The following RNF217 variants were observed in gnomAD, a reference collection of about 807,000 sequenced individuals.
RNF217 encodes the protein ring finger protein 217.
In RNF217, 31 loss-of-function variants were observed where a neutral mutation model predicts 57.8. That is an observed-to-expected ratio of 0.54 (90% CI 0.40 to 0.72). The LOEUF is 0.72. RNF217 is among the 30% of genes least tolerant of loss of function. The pLI is 0.00. For missense variants in RNF217, 696 were observed against 708.3 expected, an observed-to-expected ratio of 0.98 and a Z score of 0.20; for synonymous variants, 313 against 294.0, an observed-to-expected ratio of 1.06 and a Z score of -0.66.
intron 2 of RNF217, among the ~76,000 whole-genome samples, chr6:125,048,949 T>C (rs1787202025): frequency 6.6e-6 from 1 of 152,054 alleles, no homozygotes; most frequent in African/African-American, 2.4e-5. Flanking sequence ...GAGATTTACA[T>C]TCAGACAACC....
chr6:124,984,669 A>T (rs1784310655), intron 1 of RNF217, among the ~76,000 whole-genome samples: 2 of 152,210 alleles, frequency 1.3e-5, no homozygotes, highest in South Asian at 2.1e-4. Flanking sequence ...TCATATGGAG[A>T]AATGAAGTCC....
chr6:124,963,480 G>A, intron 1 of RNF217, 54 bp downstream of exon 1: 1 of 1,429,350 alleles, frequency 7.0e-7, no homozygotes, highest in Non-Finnish European at 9.1e-7. Flanking sequence ...CTGGCGAGGA[G>A]GTCCTGCTCT....
intron 1 of RNF217, among the ~76,000 whole-genome samples, chr6:125,020,364 A>T (rs1314868078): frequency 1.3e-5 from 2 of 152,214 alleles, no homozygotes; most frequent in Non-Finnish European, 2.9e-5. Flanking sequence ...AATATCTGTT[A>T]TTAAAAGGGT....
intron 3 of RNF217, among the ~76,000 whole-genome samples, chr6:125,058,788 C>T (rs503819): frequency 0.4 from 60,470 of 151,898 alleles, 12,690 homozygotes; most frequent in African/African-American, 0.5. Flanking sequence ...AAACTTTGGA[C>T]TTGATGTCTA....
At position 125,034,365 on chromosome 6, in the gene RNF217, T is replaced by A. The variant is rs139701267; in HGVS notation, c.883-10846T>A. Among the ~76,000 whole-genome samples the A allele has an allele frequency of 1.2e-3, 176 of 152,336 alleles. 2 individuals carry two copies. The East Asian group carries it at 0.02, about 17-fold the overall frequency. ...AAGTCTTTCATTCATCTTGAATTAA[T>A]TTTTGTATAAGGTGTAAGGAAGGGA... On this transcript the variant is annotated intron_variant, in intron 1 of 5. Coordinates refer to ENST00000521654, the MANE Select transcript of RNF217 (RefSeq NM_001286398.3).
chr6:124,996,310 AT>A (rs1562459161), intron 1 of RNF217, among the ~76,000 whole-genome samples: 1 of 151,856 alleles, frequency 6.6e-6, no homozygotes, highest in Admixed American at 6.6e-5. Flanking sequence ...AATTTTGAAG[AT>A]TTTTTTAATT....
intron 2 of RNF217, among the ~76,000 whole-genome samples, chr6:125,052,164 G>A (rs950359995): frequency 2.0e-5 from 3 of 151,996 alleles, no homozygotes; most frequent in Admixed American, 6.6e-5. Context: ...TGAGGTGAAT[G>A]CATTGTGCAA....
intron 1 of RNF217, among the ~76,000 whole-genome samples, chr6:124,996,242 T>C (rs1317819959): frequency 6.6e-6 from 1 of 152,176 alleles, no homozygotes; most frequent in Non-Finnish European, 1.5e-5. Context: ...CATGATTTTG[T>C]GTGTTCATTA....
At chr6:125,055,761 T>C (rs1159510279) in intron 2 of RNF217, among the ~76,000 whole-genome samples, 1 of 152,048 alleles carries the variant, frequency 6.6e-6, no homozygotes, top group Non-Finnish European at 1.5e-5. Flanking sequence ...TTTCCTTCTT[T>C]CCTCATTTCA....
Position 125,062,765 on chromosome 6 carries a change from C to T in RNF217, c.1281+4659C>T, listed in dbSNP as rs143430041. Among the ~76,000 whole-genome samples the T allele has an allele frequency of 9.1e-3, 1,378 of 152,074 alleles. 54 individuals are homozygous for T. Among genetic ancestry groups the T allele is most frequent in the East Asian group, 0.082 (420 of 5,146 alleles). On this transcript the variant is annotated intron_variant, in intron 3 of 5. Coordinates refer to ENST00000521654, the MANE Select transcript of RNF217 (RefSeq NM_001286398.3). ...CTAATTTTTGTATTTTTAGTAGAGACGAGGTTTCACCACGTTGACCAGCTT... is the reference window on the plus strand; with the variant it reads ...CTAATTTTTGTATTTTTAGTAGAGATGAGGTTTCACCACGTTGACCAGCTT...
intron 1 of RNF217, among the ~76,000 whole-genome samples, chr6:125,041,435 A>G (rs1786876262): frequency 6.6e-6 from 1 of 152,124 alleles, no homozygotes; most frequent in South Asian, 2.1e-4. Flanking sequence ...TTGTCTTTAT[A>G]TAATACAGAC....
chr6:125,077,505 C>A (rs186678536), intron 4 of RNF217, among the ~76,000 whole-genome samples: 2 of 152,180 alleles, frequency 1.3e-5, no homozygotes, highest in African/African-American at 4.8e-5. Context: ...TAGCCTCATA[C>A]ACAACCCCTT....
chr6:125,045,588 A>C, intron 2 of RNF217, 144 bp downstream of exon 2: 1 of 628,672 alleles, frequency 1.6e-6, no homozygotes, highest in Admixed American at 3.0e-5. Flanking sequence ...CTGAAAGCAT[A>C]TGGTTTGGGG....
chr6:125,036,698 A>G (rs993547507), intron 1 of RNF217, among the ~76,000 whole-genome samples: 1 of 152,032 alleles, frequency 6.6e-6, no homozygotes, highest in Non-Finnish European at 1.5e-5. Flanking sequence ...CAAAAAGTGG[A>G]TGAAGGATAT....
intron 1 of RNF217, among the ~76,000 whole-genome samples, chr6:125,043,171 C>T (rs1174629890): frequency 6.6e-6 from 1 of 152,032 alleles, no homozygotes; most frequent in Non-Finnish European, 1.5e-5. Flanking sequence ...TAAGAGCCGT[C>T]CCAAGGCTGT....
intron 1 of RNF217, among the ~76,000 whole-genome samples, chr6:125,024,853 G>A (rs187618830): frequency 7.9e-5 from 12 of 152,262 alleles, no homozygotes; most frequent in African/African-American, 2.6e-4. Context: ...GATATCAGAA[G>A]CTTAGTATAG....
chr6:124,973,098 G>C (rs1783821843), intron 1 of RNF217, among the ~76,000 whole-genome samples: 1 of 152,112 alleles, frequency 6.6e-6, no homozygotes, highest in Non-Finnish European at 1.5e-5. Context: ...TGAATAGATA[G>C]GCAAAGTGAT....
intron 1 of RNF217, among the ~76,000 whole-genome samples, chr6:124,980,575 C>T (rs557819364): frequency 6.6e-6 from 1 of 152,234 alleles, no homozygotes; most frequent in African/African-American, 2.4e-5. Context: ...TTTTATATAA[C>T]AGTGTTCCCT....
rs552882238 is a variant in RNF217, at chr6:125,015,727, A to T, written c.883-29484A>T. On this transcript the variant is annotated intron_variant, in intron 1 of 5. Transcript: ENST00000521654. ...AAAGAAAATAGTAATGTAAAAAGAG[A>T]CATGACTTCTCAAAACTCAAGAATT... Among the ~76,000 whole-genome samples, 5 of 152,200 alleles carry T rather than the reference A, an allele frequency of 3.3e-5. No homozygotes were observed. In the East Asian group the frequency reaches 9.7e-4, roughly 29 times the overall value.
Sources: allele counts gnomAD v4.1 joint callset (sites outside exome capture counted in the v4.1 genomes callset), GRCh38; gene constraint gnomAD v4.1.1; transcripts MANE v1.5; gene names NCBI Gene and HGNC (gene_info 2026-07-23, HGNC 2026-07-21).